Variants in ATP13A3 observed in about 807,000 individuals in gnomAD.
The protein encoded by ATP13A3 is polyamine-transporting ATPase 13A3.
In ATP13A3, 59 loss-of-function variants were observed where a neutral mutation model predicts 158.1. The ratio of observed to expected loss-of-function variants is 0.37; its 90% CI spans 0.30 to 0.46. ATP13A3 has a LOEUF of 0.46. Among genes scored for constraint, ATP13A3 ranks in the 20% least tolerant of loss-of-function variants. The probability of loss-of-function intolerance (pLI) is 1.00; values close to 1 mark genes in which losing one functional copy is unlikely to be tolerated. For synonymous variants in ATP13A3, 491 were observed against 504.3 expected (o/e 0.97, Z 0.35); for missense variants, 1,166 against 1,525.2 (o/e 0.76, Z 3.92).
intron 6 of ATP13A3, among the ~76,000 whole-genome samples, chr3:194,457,409 C>T (rs925171357): frequency 7.9e-5 from 12 of 152,106 alleles, no homozygotes; most frequent in Non-Finnish European, 1.2e-4. Flanking sequence ...ATGTTTATTG[C>T]AGGATAGATG....
chr3:194,443,563 C>T (rs1718193298), intron 15 of ATP13A3, among the ~76,000 whole-genome samples: 1 of 152,022 alleles, frequency 6.6e-6, no homozygotes, highest in African/African-American at 2.4e-5. Flanking sequence ...AATTATAAGA[C>T]AAAACAGAAT....
intron 10 of ATP13A3, 81 bp downstream of exon 10, chr3:194,453,625 T>G: frequency 9.8e-7 from 1 of 1,021,824 alleles, no homozygotes; most frequent in South Asian, 1.4e-5. Context: ...AATGTATATG[T>G]ATTATACTTT....
At chr3:194,490,745 C>T (rs1477417917), upstream of ATP13A3, among the ~76,000 whole-genome samples, 4 of 152,248 alleles carry the variant, frequency 2.6e-5, no homozygotes, top group African/African-American at 9.6e-5. This position sits in a 1 kb window ranked among gnomAD's most constrained non-coding sequence, Gnocchi z 4.4. Context: ...AGCAGCTTCT[C>T]AAAGGTGTCT....
rs1432392123 is a variant in ATP13A3, at chr3:194,405,814, G to C, written c.*105C>G. ...TCAAATAAGCTACTATATCAGAAGG[G>C]ACATAAACTGAACTAGTGCCATTCT... On this transcript the variant is annotated 3_prime_UTR_variant, in exon 34 of 34. Coordinates refer to ENST00000645319, the MANE Select transcript of ATP13A3 (RefSeq NM_001367549.1). 1 of 1,182,378 alleles carries C rather than the reference G, an allele frequency of 8.5e-7. No individual in the cohort carries two copies. The highest frequency in any genetic ancestry group is 1.2e-6 in the Non-Finnish European group (1 of 808,882). The allele number at this position is 1,182,378 out of a possible 1,614,324, so 73.2% of individuals were successfully genotyped here. A position where few individuals can be genotyped will look rare whatever the true frequency, so the allele number is the denominator to read the frequency against.
At chr3:194,471,538 G>C (rs1355605183) in intron 2 of ATP13A3, among the ~76,000 whole-genome samples, 1 of 152,040 alleles carries the variant, frequency 6.6e-6, no homozygotes, top group Non-Finnish European at 1.5e-5. Context: ...TGCTTTTATA[G>C]AGATGGGGTT....
chr3:194,454,646 T>C (rs1402160376), intron 8 of ATP13A3, among the ~76,000 whole-genome samples: 7 of 151,812 alleles, frequency 4.6e-5, no homozygotes, highest in South Asian at 4.1e-4. Context: ...GCTAACACGG[T>C]GAAACCCTGT....
intron 2 of ATP13A3, among the ~76,000 whole-genome samples, chr3:194,473,694 T>C (rs997373343): frequency 6.6e-6 from 1 of 152,174 alleles, no homozygotes. Flanking sequence ...TTAAAATCTA[T>C]GACAAATACA....
At chr3:194,485,129 G>A (rs543726831) in intron 2 of ATP13A3, among the ~76,000 whole-genome samples, 6 of 151,982 alleles carry the variant, frequency 3.9e-5, no homozygotes, top group African/African-American at 1.4e-4. Context: ...CCAAAGCCAG[G>A]CATTGTTGTT....
At chr3:194,482,859 G>A (rs796969429) in intron 2 of ATP13A3, among the ~76,000 whole-genome samples, 3 of 152,182 alleles carry the variant, frequency 2.0e-5, no homozygotes, top group South Asian at 4.2e-4. Flanking sequence ...TGTAATCCCA[G>A]CAGTCTGGAA....
At chr3:194,492,112 C>T (rs1309558557) in intron 2 of ATP13A3, among the ~76,000 whole-genome samples, 1 of 152,070 alleles carries the variant, frequency 6.6e-6, no homozygotes, top group East Asian at 1.9e-4. Context: ...TGTAACCTGC[C>T]CACCACTTCC....
At chr3:194,463,401 C>T (rs1719794741) in intron 2 of ATP13A3, among the ~76,000 whole-genome samples, 1 of 150,120 alleles carries the variant, frequency 6.7e-6, no homozygotes, top group Admixed American at 6.7e-5. Flanking sequence ...TAGAAAATAT[C>T]TTCCAAAAAT....
rs1191140940 is a variant in ATP13A3, at chr3:194,447,938, T to C, written c.1222A>G (p.Arg408Gly). 1 of 1,610,800 alleles carries C rather than the reference T, an allele frequency of 6.2e-7. No homozygotes were observed. The highest frequency in any genetic ancestry group is 1.7e-5 in the Admixed American group (1 of 60,010). ...CATAGTAGAAACAAGTAGGCATCTCTGTAGAGTTTAAAATCAGTTGGTTTG... is the reference window on the plus strand; with the variant it reads ...CATAGTAGAAACAAGTAGGCATCTCCGTAGAGTTTAAAATCAGTTGGTTTG... Reference protein sequence around the residue: ...YPKPTDFKLYRDAYLFLLCLV... With the variant: ...YPKPTDFKLYGDAYLFLLCLV... Residue 408 changes from arginine to glycine, a missense_variant, in exon 13 of 34, where the codon AGA becomes GGA. Arg to Gly is a moderately radical substitution (Grantham distance 125, BLOSUM62 -2). Transcript: ENST00000645319.
At chr3:194,409,749 G>A (rs924903168) in intron 33 of ATP13A3, among the ~76,000 whole-genome samples, 5 of 135,858 alleles carry the variant, frequency 3.7e-5, no homozygotes, top group African/African-American at 1.5e-4. Flanking sequence ...AACACCCGGG[G>A]CTGCCAACTG....
intron 2 of ATP13A3, among the ~76,000 whole-genome samples, chr3:194,464,288 C>T (rs1038526721): frequency 7.9e-5 from 12 of 152,186 alleles, no homozygotes; most frequent in Non-Finnish European, 1.8e-4. Context: ...CAGTAAGATA[C>T]TGAACTCAGT....
intron 32 of ATP13A3, among the ~76,000 whole-genome samples, chr3:194,413,218 A>C (rs1387602436): frequency 1.3e-5 from 2 of 152,224 alleles, no homozygotes; most frequent in East Asian, 3.9e-4. Context: ...AGGGTACTTA[A>C]GACCTCTAGA....
chr3:194,474,106 T>TG (rs1720425201), intron 2 of ATP13A3, among the ~76,000 whole-genome samples: 2 of 152,166 alleles, frequency 1.3e-5, no homozygotes, highest in Admixed American at 1.3e-4. Flanking sequence ...TTCTTTCCTT[T>TG]GGGGGGTGAC....
At chr3:194,469,652 GATTT>G (rs1190956134) in intron 2 of ATP13A3, among the ~76,000 whole-genome samples, 1 of 152,094 alleles carries the variant, frequency 6.6e-6, no homozygotes, top group East Asian at 1.9e-4. Context: ...TGCAGTCCTA[GATTT>G]TTTTTCTGAG....
chr3:194,441,343 G>A lies in ATP13A3; in HGVS notation c.1678C>T (p.Leu560Phe), dbSNP rs761563568. The A allele has an allele frequency of 6.2e-7, 1 of 1,613,080 alleles. No homozygotes were observed. The highest frequency in any genetic ancestry group is 8.5e-7 in the Non-Finnish European group (1 of 1,179,426). ...KIEGVLSGDP[L>F]DLKMFEAIGW... ...ATAGCCTCAAACATTTTCAGATCAA[G>A]TGGATCACCAGAGAGCACTCCTTCA... The change falls in exon 16 of 34, where the codon CTT (leucine) becomes TTT (phenylalanine). Residue 560 changes from leucine (L) to phenylalanine (F), a missense_variant. Transcript: ENST00000645319.
intron 16 of ATP13A3, 28 bp from the exon 17 acceptor site, chr3:194,439,000 A>T (rs368690383): frequency 6.0e-5 from 87 of 1,441,746 alleles, no homozygotes; most frequent in Non-Finnish European, 8.3e-5. Flanking sequence ...ACAAAAAAAA[A>T]CAAAAACACA....
Sources: allele counts gnomAD v4.1 joint callset (sites outside exome capture counted in the v4.1 genomes callset), GRCh38; gene constraint gnomAD v4.1.1; non-coding constraint Gnocchi (gnomAD v3.1); transcripts MANE v1.5; gene names NCBI Gene and HGNC (gene_info 2026-07-23, HGNC 2026-07-21).